SORBS2: variants seen among roughly 807,000 people sequenced by gnomAD.
SORBS2 encodes sorbin and SH3 domain containing 2, also known as sorbin and SH3 domain-containing protein 2.
A neutral mutation model predicts 97.7 loss-of-function variants in SORBS2; 46 were observed. That is an observed-to-expected ratio of 0.47 (90% confidence interval 0.37 to 0.60). The LOEUF is 0.60. Among genes scored for constraint, SORBS2 ranks in the 20% least tolerant of loss-of-function variants. SORBS2 has a pLI of 0.00. For missense variants in SORBS2, 1,316 were observed against 1,282.3 expected (o/e 1.03, Z -0.40); for synonymous variants, 476 against 473.4 (o/e 1.01, Z -0.07).
At chr4:185,916,002 A>G (rs1470033595) in intron 1 of SORBS2, among the ~76,000 whole-genome samples, 1 of 152,206 alleles carries the variant, frequency 6.6e-6, no homozygotes, top group Non-Finnish European at 1.5e-5. Flanking sequence ...AACGATCTGT[A>G]TGAACTTGTA....
chr4:185,639,199 GC>G (rs2097086846), intron 4 of SORBS2, among the ~76,000 whole-genome samples, 164 bp from the exon 14 acceptor site: 1 of 152,190 alleles, frequency 6.6e-6, no homozygotes, highest in African/African-American at 2.4e-5. Flanking sequence ...AGCGATCCGG[GC>G]CGCTGCGAAG....
intron 4 of SORBS2, among the ~76,000 whole-genome samples, chr4:185,631,100 A>G (rs1206092833): frequency 6.6e-6 from 1 of 152,232 alleles, no homozygotes; most frequent in Non-Finnish European, 1.5e-5. Context: ...AGCAGAACTT[A>G]AGACACCATT....
chr4:185,763,494 G>A (rs1460516244), intron 2 of SORBS2, among the ~76,000 whole-genome samples: 1 of 152,118 alleles, frequency 6.6e-6, no homozygotes, highest in East Asian at 1.9e-4. Flanking sequence ...TATATAAGTG[G>A]TCAATACAAA....
intron 1 of SORBS2, among the ~76,000 whole-genome samples, chr4:185,934,879 T>G (rs902183153): frequency 6.6e-6 from 1 of 152,090 alleles, no homozygotes; most frequent in Non-Finnish European, 1.5e-5. Context: ...AACACTGTTC[T>G]GTGGCCCCCT....
At chr4:185,836,556 C>G (rs1499013) in intron 1 of SORBS2, among the ~76,000 whole-genome samples, 24,049 of 152,162 alleles carry the variant, frequency 0.16, 2,036 homozygotes, top group South Asian at 0.29. Flanking sequence ...TCGCTCATTT[C>G]TTTTTCACAA....
intron 1 of SORBS2, among the ~76,000 whole-genome samples, chr4:185,920,982 G>A (rs1037896630): frequency 1.3e-5 from 2 of 152,198 alleles, no homozygotes; most frequent in Non-Finnish European, 1.5e-5. Flanking sequence ...AAAGGAAGTT[G>A]TGAGGCTTCC....
At chr4:185,786,836 C>A (rs192395379) in intron 1 of SORBS2, among the ~76,000 whole-genome samples, 2 of 152,172 alleles carry the variant, frequency 1.3e-5, no homozygotes, top group East Asian at 3.9e-4. Flanking sequence ...GTGGTGTGTA[C>A]CTGTAATCCC....
chr4:185,770,081 AT>A (rs34286752), intron 2 of SORBS2, among the ~76,000 whole-genome samples: 26,160 of 145,670 alleles, frequency 0.18, 2,362 homozygotes, highest in Middle Eastern at 0.27. Context: ...GCCGGATGGC[AT>A]TTTTTTTTTT....
intron 1 of SORBS2, among the ~76,000 whole-genome samples, chr4:185,955,850 C>T (rs925632984): frequency 6.6e-6 from 1 of 151,868 alleles, no homozygotes; most frequent in Non-Finnish European, 1.5e-5. Context: ...ACTAGACCCT[C>T]CACCCCCACC....
intron 1 of SORBS2, among the ~76,000 whole-genome samples, chr4:185,779,275 G>A (rs2099015751): frequency 6.6e-6 from 1 of 152,134 alleles, no homozygotes; most frequent in South Asian, 2.1e-4. Context: ...CACTTACTTA[G>A]CCTCCCCATA....
chr4:185,602,182 G>A (rs1308906306), intron 12 of SORBS2, among the ~76,000 whole-genome samples: 4 of 152,078 alleles, frequency 2.6e-5, no homozygotes, highest in African/African-American at 9.7e-5. Flanking sequence ...GCTAATTTTT[G>A]TATTTTTGGT....
chr4:185,614,700 G>A (rs2096601523), intron 11 of SORBS2, 131 bp downstream of exon 23: 1 of 1,187,128 alleles, frequency 8.4e-7, no homozygotes, highest in Non-Finnish European at 1.2e-6. Flanking sequence ...GTCCTTTGTA[G>A]AAAATAGGGT....
At chr4:185,861,099 A>T (rs1462930380) in intron 1 of SORBS2, among the ~76,000 whole-genome samples, 1 of 152,072 alleles carries the variant, frequency 6.6e-6, no homozygotes, top group African/African-American at 2.4e-5. Flanking sequence ...CCTGCTGTCT[A>T]TCTTGTTGGC....
At chr4:185,911,863 C>T (rs1420061348) in intron 1 of SORBS2, among the ~76,000 whole-genome samples, 1 of 152,170 alleles carries the variant, frequency 6.6e-6, no homozygotes, top group African/African-American at 2.4e-5. Context: ...AAGCAATTAG[C>T]ATCAACATTC....
chr4:185,806,545 C>T (rs1469301391), intron 1 of SORBS2, among the ~76,000 whole-genome samples: 1 of 146,500 alleles, frequency 6.8e-6, no homozygotes, highest in Non-Finnish European at 1.5e-5. Flanking sequence ...GCAAGCTCCT[C>T]CTCCCGGGTT....
intron 2 of SORBS2, among the ~76,000 whole-genome samples, chr4:185,651,119 G>A (rs563374693): frequency 6.6e-6 from 1 of 152,322 alleles, no homozygotes; most frequent in Non-Finnish European, 1.5e-5. Flanking sequence ...GACTGGGCAG[G>A]GAGAGGAGCC....
intron 2 of SORBS2, among the ~76,000 whole-genome samples, chr4:185,725,458 T>C (rs1229666141): frequency 6.6e-6 from 1 of 152,218 alleles, no homozygotes; most frequent in Non-Finnish European, 1.5e-5. Flanking sequence ...CAATATAGAT[T>C]CTAGCAGAGC....
intron 1 of SORBS2, among the ~76,000 whole-genome samples, chr4:185,816,047 C>G (rs960359210): frequency 2.0e-5 from 3 of 152,224 alleles, no homozygotes; most frequent in African/African-American, 7.2e-5. Flanking sequence ...ACTACCATTA[C>G]TGTTACTCTG....
chr4:185,910,959 T>A (rs10001260), intron 1 of SORBS2, among the ~76,000 whole-genome samples: 39,454 of 149,562 alleles, frequency 0.26, 5,499 homozygotes, highest in East Asian at 0.55. Context: ...GTTTGATTTT[T>A]TAAAAAAAAA....
Sources: gnomAD v4.1 joint callset for allele counts (sites outside exome capture counted in the v4.1 genomes callset) on GRCh38, gnomAD v4.1.1 for gene constraint, MANE v1.5 for transcripts, NCBI Gene and HGNC (gene_info 2026-07-23, HGNC 2026-07-21) for gene names.